Variants in MACROH2A2 observed in about 807,000 individuals in gnomAD.
The protein encoded by MACROH2A2 is macroH2A.2 histone.
In MACROH2A2, 6 loss-of-function variants were observed where a neutral mutation model predicts 37.6. The ratio of observed to expected loss-of-function variants is 0.16; its 90% confidence interval spans 0.09 to 0.32. The LOEUF (loss-of-function observed/expected upper bound fraction) is 0.32, where lower values mean the gene tolerates loss of function less well. MACROH2A2 is among the 10% of genes least tolerant of loss of function. The pLI, the probability that MACROH2A2 is intolerant of heterozygous loss-of-function variation, is 1.00. For missense variants in MACROH2A2, 290 were observed against 485.9 expected, an observed-to-expected ratio of 0.60 and a Z score of 3.79; for synonymous variants, 192 against 202.7, an observed-to-expected ratio of 0.95 and a Z score of 0.45.
rs566576509 is a variant in MACROH2A2 at position 70,061,133 on chromosome 10, C to T, written c.-60+8133C>T. On this transcript the variant is annotated intron_variant, in intron 1 of 8. Transcript: ENST00000373255. ...GTGCTAAGGGGTTTTTCTTTCTTTC[C>T]TCTCCTCCCTTCTGAGATCCCAGTA... Among the ~76,000 whole-genome samples the T allele has an allele frequency of 2.4e-4, 37 of 152,142 alleles. No homozygotes were observed. The South Asian group carries it at 6.6e-3, about 27-fold the overall frequency.
rs926407199 is a variant in MACROH2A2, at chr10:70,107,481, A to C, written c.779-1552A>C. 5.3e-5 allele frequency among the ~76,000 whole-genome samples: 8 copies of C among 152,182 alleles called. No individual in the cohort carries two copies. Among genetic ancestry groups the C allele is most frequent in the Non-Finnish European group, 1.2e-4 (8 of 68,022 alleles). Reference sequence around the variant, plus strand: ...GGGTTCCTGGAGGGGCACAGGGCGCAGACGGGCAGCGTGGGGGCAAGCATG... The same window carrying C: ...GGGTTCCTGGAGGGGCACAGGGCGCCGACGGGCAGCGTGGGGGCAAGCATG... On this transcript the variant is annotated intron_variant, in intron 7 of 8. Coordinates refer to ENST00000373255, the MANE Select transcript of MACROH2A2 (RefSeq NM_018649.3). The surrounding 1 kb of genome is among the most constrained non-coding windows in gnomAD (Gnocchi z 4.4).
intron 1 of MACROH2A2, among the ~76,000 whole-genome samples, chr10:70,058,949 C>T (rs553030432): frequency 2.4e-4 from 37 of 151,630 alleles, no homozygotes; most frequent in Non-Finnish European, 4.9e-4. Flanking sequence ...ATTTTCACCT[C>T]AGCTGTTCCA....
Position 70,075,925 on chromosome 10 carries a change from T to A in MACROH2A2, c.172+95T>A. 2.8e-6 allele frequency: 3 copies of A among 1,072,864 alleles called. No individual in the cohort carries two copies. Among genetic ancestry groups the A allele is most frequent in the Non-Finnish European group, 4.1e-6 (3 of 734,694 alleles). 66.5% of individuals were successfully genotyped at this position (1,072,864 alleles called of 1,614,324 possible). ...CTGGGGAGGGATGCTCCAAATTGCC[T>A]TTTGGCTGGCTCAAGGCTACTGTGG... On this transcript the variant is annotated intron_variant, in intron 2 of 8. Transcript: ENST00000373255. This position sits in a 1 kb window ranked among gnomAD's most constrained non-coding sequence, Gnocchi z 5.0.
chr10:70,071,078 A>ACT (rs1554821735), intron 1 of MACROH2A2, among the ~76,000 whole-genome samples: 2 of 146,404 alleles, frequency 1.4e-5, no homozygotes, highest in Non-Finnish European at 3.0e-5. Flanking sequence ...CATGTGCATG[A>ACT]GTGTGTGTGT....
At position 70,107,603 on chromosome 10, in the gene MACROH2A2, G is replaced by A. The variant is rs891860808; in HGVS notation, c.779-1430G>A. ...CTTCCCTCGAGCTTAGCAGCCACGGGGCTTTATCAACTCTGTCACCAATGG... is the reference window on the plus strand; with the variant it reads ...CTTCCCTCGAGCTTAGCAGCCACGGAGCTTTATCAACTCTGTCACCAATGG... On this transcript the variant is annotated intron_variant, in intron 7 of 8. Transcript: ENST00000373255. This position sits in a 1 kb window ranked among gnomAD's most constrained non-coding sequence, Gnocchi z 4.4. Among the ~76,000 whole-genome samples, 3 of 152,154 alleles carry A rather than the reference G, an allele frequency of 2.0e-5. No homozygotes were observed. Among genetic ancestry groups the A allele is most frequent in the Non-Finnish European group, 2.9e-5 (2 of 68,030 alleles).
chr10:70,082,748 C>T (rs2072187613), intron 2 of MACROH2A2, among the ~76,000 whole-genome samples: 1 of 151,964 alleles, frequency 6.6e-6, no homozygotes, highest in East Asian at 1.9e-4. Flanking sequence ...GTAGGTGATA[C>T]CTAGAAGAGG....
intron 1 of MACROH2A2, among the ~76,000 whole-genome samples, chr10:70,056,588 G>A (rs1317304341): frequency 6.6e-6 from 1 of 152,190 alleles, no homozygotes; most frequent in Non-Finnish European, 1.5e-5. Flanking sequence ...AGTTTGTAAA[G>A]GGAGAAGAGA....
intron 1 of MACROH2A2, among the ~76,000 whole-genome samples, chr10:70,068,571 C>T (rs1390539528): frequency 6.6e-6 from 1 of 152,206 alleles, no homozygotes; most frequent in Non-Finnish European, 1.5e-5. Flanking sequence ...ATTTTCTGTT[C>T]TGTATTGACT....
intron 2 of MACROH2A2, among the ~76,000 whole-genome samples, chr10:70,076,412 TG>T (rs2072139897): frequency 6.6e-6 from 1 of 150,978 alleles, no homozygotes; most frequent in Non-Finnish European, 1.5e-5. Context: ...TTCCCATATT[TG>T]TTGTTAAAGT....
At chr10:70,092,991 C>G (rs1193176170) in intron 4 of MACROH2A2, among the ~76,000 whole-genome samples, 3 of 151,096 alleles carry the variant, frequency 2.0e-5, no homozygotes, top group Non-Finnish European at 4.4e-5. Context: ...ACAGTAACCA[C>G]TGGTCACATG....
chr10:70,070,981 G>C (rs111286006), intron 1 of MACROH2A2, among the ~76,000 whole-genome samples: 3 of 151,180 alleles, frequency 2.0e-5, no homozygotes, highest in African/African-American at 4.9e-5. Flanking sequence ...GTGTGTGTGT[G>C]TGTCTGTGTG....
chr10:70,062,463 A>T (rs1347949780), intron 1 of MACROH2A2, among the ~76,000 whole-genome samples: 3 of 152,248 alleles, frequency 2.0e-5, no homozygotes, highest in Non-Finnish European at 2.9e-5. Flanking sequence ...GTTCATGAAA[A>T]CAATGTTTAA....
At position 70,109,058 on chromosome 10, in the gene MACROH2A2, C is replaced by A. The variant is rs770717622; in HGVS notation, c.804C>A (p.Leu268=). 2 of 1,614,048 alleles carry A rather than the reference C, an allele frequency of 1.2e-6. No homozygotes were observed. Among genetic ancestry groups the A allele is most frequent in the Admixed American group, 1.7e-5 (1 of 60,000 alleles). Residue 268 remains leucine, a synonymous_variant, in exon 8 of 9, where the codon CTC becomes CTA. Transcript: ENST00000373255. The part of the protein sequence containing the change: ...AEAAVSQSSG[L]AAKFVIHCHI... ...CCGCCGTCAGCCAATCCAGTGGACT[C>A]GCAGCCAAATTTGTCATCCACTGTC...
intron 7 of MACROH2A2, among the ~76,000 whole-genome samples, chr10:70,106,942 G>A (rs2072341618): frequency 6.6e-6 from 1 of 152,140 alleles, no homozygotes; most frequent in East Asian, 1.9e-4. Context: ...TAGCAGCCAG[G>A]TGCTCGGGAA....
Position 70,091,891 on chromosome 10 carries a change from G to T in MACROH2A2, c.414G>T (p.Lys138Asn). ...CACCCCCAGAGAAAAGAGGCAGGAA[G>T]GCCACGTCAGGCAAGAAGGGGGGGA... ...LSPPPEKRGR[K>N]ATSGKKGGKK... The change falls in exon 4 of 9, where the codon AAG (lysine) becomes AAT (asparagine). Residue 138 changes from lysine to asparagine, a missense_variant. This residue lies in a region of MACROH2A2 where 77 missense variants were observed against 68.9 expected (regional missense o/e 1.12). Coordinates refer to ENST00000373255, the MANE Select transcript of MACROH2A2 (RefSeq NM_018649.3). 3 of 1,614,104 alleles carry T rather than the reference G, an allele frequency of 1.9e-6. No individual in the cohort carries two copies. Among genetic ancestry groups the T allele is most frequent in the Non-Finnish European group, 1.7e-6 (2 of 1,180,024 alleles).
At chr10:70,073,841 A>G (rs1384638259) in intron 1 of MACROH2A2, among the ~76,000 whole-genome samples, 1 of 151,934 alleles carries the variant, frequency 6.6e-6, no homozygotes, top group African/African-American at 2.4e-5. Context: ...ATATTTAGGG[A>G]CTTTCTTGGG....
At chr10:70,064,792 A>C (rs2136618202) in intron 1 of MACROH2A2, among the ~76,000 whole-genome samples, 1 of 152,190 alleles carries the variant, frequency 6.6e-6, no homozygotes, top group East Asian at 1.9e-4. Context: ...TGTTAAGTCT[A>C]ACGAAAACTC....
At chr10:70,067,994 A>AG (rs572906952) in intron 1 of MACROH2A2, among the ~76,000 whole-genome samples, 1 of 152,286 alleles carries the variant, frequency 6.6e-6, no homozygotes, top group East Asian at 1.9e-4. Flanking sequence ...AGAGTTTTGG[A>AG]GGTAGCCACC....
In MACROH2A2 at chr10:70,053,942, G is replaced by A. The variant is rs1017081032; in HGVS notation, c.-60+942G>A. On this transcript the variant is annotated intron_variant, in intron 1 of 8. Transcript: ENST00000373255. This position sits in a 1 kb window ranked among gnomAD's most constrained non-coding sequence, Gnocchi z 4.8. The stretch of plus-strand genomic sequence containing the variant: ...TATCGCTCGCGGGGCGCGGCGGTTG[G>A]GGACCAGCCCTGCCTCCCCCGGCTC... Among the ~76,000 whole-genome samples, 28 of 152,328 alleles carry A rather than the reference G, an allele frequency of 1.8e-4. No homozygotes were observed. Among genetic ancestry groups the A allele is most frequent in the African/African-American group, 6.5e-4 (27 of 41,584 alleles).
Sources: gnomAD v4.1 joint callset for allele counts (sites outside exome capture counted in the v4.1 genomes callset) on GRCh38, gnomAD v4.1.1 for gene constraint, gnomAD v4.1.1 regional missense constraint, Gnocchi (gnomAD v3.1) non-coding constraint, MANE v1.5 for transcripts, NCBI Gene and HGNC (gene_info 2026-07-23, HGNC 2026-07-21) for gene names.